GIT2: variants seen among roughly 807,000 people sequenced by gnomAD.
The protein encoded by GIT2 is GIT ArfGAP 2, also known as ARF GTPase-activating protein GIT2.
In GIT2, 32 loss-of-function variants were observed where a neutral mutation model predicts 100.3. The observed-to-expected ratio is 0.32, with a 90% CI of 0.24 to 0.43. The LOEUF (loss-of-function observed/expected upper bound fraction) is 0.43. Ranked by LOEUF, GIT2 falls within the 20% of genes least tolerant of loss-of-function variation. The pLI, the probability that GIT2 is intolerant of heterozygous loss-of-function variation, is 1.00. For missense variants in GIT2, 737 were observed against 975.1 expected (o/e 0.76, Z 3.25); for synonymous variants, 353 against 364.1 (o/e 0.97, Z 0.35).
At chr12:109,990,711 T>A (rs754946954) in intron 2 of GIT2, among the ~76,000 whole-genome samples, 1 of 152,208 alleles carries the variant, frequency 6.6e-6, no homozygotes, top group Non-Finnish European at 1.5e-5. Context: ...ACTTGAAGAA[T>A]GTGTACCCCA....
chr12:109,948,318 G>T lies in GIT2; in HGVS notation c.1393-814C>A. ...GAATATTTGGCCTTTCTCTCCTTTG[G>T]CTTTGTCACCCAAAAAACACGACCT... On this transcript the variant is annotated intron_variant, in intron 14 of 19. Transcript: ENST00000355312. This position sits in a 1 kb window ranked among gnomAD's most constrained non-coding sequence, Gnocchi z 4.3. 1.0e-6 allele frequency: 1 copy of T among 987,598 alleles called. No homozygotes were observed. The highest frequency in any genetic ancestry group is 1.2e-6 in the Non-Finnish European group (1 of 831,472). The allele number at this position is 987,598 out of a possible 1,614,324, so 61.2% of individuals were successfully genotyped here. A position where few individuals can be genotyped will look rare whatever the true frequency, so the allele number is the denominator to read the frequency against.
chr12:109,942,029 T>C (rs774754496), intron 16 of GIT2, among the ~76,000 whole-genome samples: 40 of 152,254 alleles, frequency 2.6e-4, no homozygotes, highest in Non-Finnish European at 5.0e-4. Context: ...CTCACTATGT[T>C]GCCCAGCCTG....
In GIT2 at chr12:109,938,539, A is replaced by G. The variant is rs1873681692; in HGVS notation, c.1844T>C (p.Met615Thr). ...TACCAAGCCATCCCCTGGCCACACC[A>G]TACTTCTTTGCCGTCCCTTTCGGCT... Reference protein sequence around the residue: ...GSSRKGRQRSMVWPGDGLVPD... With the variant: ...GSSRKGRQRSTVWPGDGLVPD... Residue 615 changes from methionine (M) to threonine (T), a missense_variant, in exon 18 of 20, where the codon ATG becomes ACG. Physicochemically the swap from Met to Thr is moderately conservative, Grantham distance 81 (BLOSUM62 -1). Transcript: ENST00000355312. 5.0e-6 allele frequency: 8 copies of G among 1,607,434 alleles called. No individual in the cohort carries two copies. The East Asian group carries it at 1.8e-4, about 36-fold the overall frequency.
At chr12:109,952,770 TTC>T in intron 13 of GIT2, 3 of 459,990 alleles carry the variant, frequency 6.5e-6, no homozygotes, top group South Asian at 1.9e-5. Context: ...TTCTCCGCAG[TTC>T]TCTCTCTCCT....
intron 12 of GIT2, chr12:109,953,595 C>A (rs1246432335): frequency 1.1e-5 from 2 of 174,186 alleles, no homozygotes; most frequent in Admixed American, 6.2e-5. Context: ...CCACTGTACT[C>A]CAGCCTGGGC....
chr12:109,947,294 C>T lies in GIT2; in HGVS notation c.1603G>A (p.Glu535Lys), dbSNP rs1328591514. The T allele has an allele frequency of 2.0e-5, 32 of 1,614,010 alleles. No individual in the cohort carries two copies. Among genetic ancestry groups the T allele is most frequent in the Middle Eastern group, 1.6e-4 (1 of 6,080 alleles). The change falls in exon 15 of 20, where the codon GAA (glutamate) becomes AAA (lysine). Residue 535 changes from glutamate (E) to lysine (K), a missense_variant. Glu to Lys is a moderately conservative substitution (Grantham distance 56). Transcript: ENST00000355312. The surrounding 1 kb of genome is among the most constrained non-coding windows in gnomAD (Gnocchi z 4.3). The stretch of plus-strand genomic sequence containing the variant: ...GGCTGGAGTCTCATCCTGCTCTCTT[C>T]GGGGCGGCTCGCTTCTCCCATTGGG... The part of the protein sequence containing the change: ...YLPMGEASRP[E>K]ESRMRLQPFP...
chr12:109,976,435 C>G (rs1393550955), intron 7 of GIT2, among the ~76,000 whole-genome samples: 3 of 151,678 alleles, frequency 2.0e-5, no homozygotes, highest in African/African-American at 7.3e-5. Context: ...CAGGCGCCCA[C>G]CACCACGCCC....
chr12:109,932,918 T>C lies in GIT2; in HGVS notation c.*60A>G. 3.2e-6 allele frequency: 3 copies of C among 949,664 alleles called. No homozygotes were observed. The highest frequency in any genetic ancestry group is 5.2e-6 in the Non-Finnish European group (3 of 579,564). The allele number at this position is 949,664 out of a possible 1,614,324, so 58.8% of individuals were successfully genotyped here. A position where few individuals can be genotyped will look rare whatever the true frequency, so the allele number is the denominator to read the frequency against. On this transcript the variant is annotated 3_prime_UTR_variant, in exon 20 of 20. Transcript: ENST00000355312. ...GTAGAAATCTGAAGAGTTCTGCGTCTGAATTTGAAATTGGACTTTATAAAG... is the reference window on the plus strand; with the variant it reads ...GTAGAAATCTGAAGAGTTCTGCGTCCGAATTTGAAATTGGACTTTATAAAG...
At chr12:109,939,117 C>G in intron 17 of GIT2, 48 bp downstream of exon 17, 1 of 1,123,886 alleles carries the variant, frequency 8.9e-7, no homozygotes, top group South Asian at 1.2e-5. Flanking sequence ...TGCCAGGTCT[C>G]TGGCCCTGGG....
intron 7 of GIT2, among the ~76,000 whole-genome samples, chr12:109,972,560 C>T (rs956272691): frequency 6.6e-6 from 1 of 151,986 alleles, no homozygotes; most frequent in Non-Finnish European, 1.5e-5. Flanking sequence ...CCTCTGCTTC[C>T]CGGGTTCTAA....
chr12:109,979,750 C>G (rs867407162), intron 7 of GIT2, among the ~76,000 whole-genome samples: 44 of 152,146 alleles, frequency 2.9e-4, no homozygotes, highest in Admixed American at 2.9e-3. Flanking sequence ...AGCATTTGGT[C>G]CAGGTCTGTT....
intron 1 of GIT2, 160 bp downstream of exon 1, chr12:109,996,013 G>A (rs887163281): frequency 7.7e-5 from 37 of 482,110 alleles, no homozygotes; most frequent in African/African-American, 5.5e-4. Context: ...CTGCCCGCCC[G>A]GCTCTGACAG....
intron 12 of GIT2, among the ~76,000 whole-genome samples, chr12:109,956,708 C>G (rs1402783961): frequency 6.6e-6 from 1 of 152,000 alleles, no homozygotes. Flanking sequence ...TGGGGTTATA[C>G]AAAACCTTTT....
At chr12:109,945,084 T>C (rs1169742622) in intron 16 of GIT2, among the ~76,000 whole-genome samples, 176 bp downstream of exon 16, 1 of 151,962 alleles carries the variant, frequency 6.6e-6, no homozygotes. Context: ...CCTCGATGGG[T>C]GAGCGTGCAT....
In GIT2 at chr12:109,967,616, T is replaced by C. The variant is rs573336050; in HGVS notation, c.719-113A>G. ...TTTTGCGATTAGTATTTGTGCATAA[T>C]GACGAGTCATGTTGCTAGACTAGCT... On this transcript the variant is annotated intron_variant, in intron 7 of 19. Transcript: ENST00000355312. The C allele has an allele frequency of 4.1e-4, 310 of 758,102 alleles. 3 individuals are homozygous for C. The South Asian group carries it at 4.6e-3, about 11-fold the overall frequency. The allele number at this position is 758,102 out of a possible 1,614,324, so 47.0% of individuals were successfully genotyped here.
chr12:109,942,824 A>G (rs1186053069), intron 16 of GIT2: 1 of 152,244 alleles, frequency 6.6e-6, no homozygotes, highest in Non-Finnish European at 1.5e-5. Context: ...GCAACCACCC[A>G]GGAAATCAGT....
chr12:109,983,769 C>A, intron 4 of GIT2, 75 bp from the exon 5 acceptor site: 1 of 864,468 alleles, frequency 1.2e-6, no homozygotes, highest in South Asian at 1.4e-5. Flanking sequence ...GCTGATAGAC[C>A]ATTTTAATAT....
chr12:109,994,873 C>A (rs1185499486), intron 1 of GIT2, among the ~76,000 whole-genome samples: 1 of 152,172 alleles, frequency 6.6e-6, no homozygotes, highest in African/African-American at 2.4e-5. Context: ...ATAACTCACA[C>A]TAACTTGGTT....
At chr12:109,958,241 G>GC (rs1880087566) in intron 12 of GIT2, among the ~76,000 whole-genome samples, 1 of 150,746 alleles carries the variant, frequency 6.6e-6, no homozygotes, top group Non-Finnish European at 1.5e-5. Context: ...ACCGTGCCTG[G>GC]CCCCCAATTT....
Sources: gnomAD v4.1 joint callset for allele counts (sites outside exome capture counted in the v4.1 genomes callset) on GRCh38, gnomAD v4.1.1 for gene constraint, Gnocchi (gnomAD v3.1) non-coding constraint, MANE v1.5 for transcripts, NCBI Gene and HGNC (gene_info 2026-07-23, HGNC 2026-07-21) for gene names.